The following ZNF599 variants were observed in gnomAD, a reference collection of about 807,000 sequenced individuals.
The protein encoded by ZNF599 is zinc finger protein 599.
Under a neutral mutation model 11.7 loss-of-function variants are expected in ZNF599, and 10 were observed. The ratio of observed to expected loss-of-function variants is 0.86; its 90% CI spans 0.53 to 1.45. The LOEUF is 1.45. Ranked by LOEUF, ZNF599 falls within the 40% of genes most tolerant of loss-of-function variation. ZNF599 has a pLI of 0.00. For synonymous variants in ZNF599, 232 were observed against 253.2 expected (o/e 0.92, Z 0.79); for missense variants, 688 against 713.6 (o/e 0.96, Z 0.41).
the ZNF599 span, among the ~76,000 whole-genome samples, chr19:34,807,331 G>A: frequency 6.6e-6 from 1 of 152,194 alleles, no homozygotes; most frequent in East Asian, 1.9e-4. Flanking sequence ...TGAAGCCACC[G>A]TGATGCGAGC....
chr19:34,778,236 T>G, the ZNF599 span, among the ~76,000 whole-genome samples: 2 of 151,990 alleles, frequency 1.3e-5, no homozygotes, highest in Non-Finnish European at 2.9e-5. Context: ...ATGAAGGGTC[T>G]CAAATCATGG....
the ZNF599 span, among the ~76,000 whole-genome samples, chr19:34,781,932 G>A: frequency 6.6e-6 from 1 of 152,206 alleles, no homozygotes; most frequent in Non-Finnish European, 1.5e-5. Context: ...GCAGCCTGGG[G>A]CCCAGTGTCA....
chr19:34,769,921 C>T (rs7258721), intron 1 of ZNF599, among the ~76,000 whole-genome samples: 123,999 of 152,192 alleles, frequency 0.81, 51,000 homozygotes, highest in African/African-American at 0.9. Flanking sequence ...CTGAGGGCTT[C>T]ACATGCTGTG....
chr19:34,782,652 A>G, the ZNF599 span, among the ~76,000 whole-genome samples: 1 of 152,202 alleles, frequency 6.6e-6, no homozygotes, highest in South Asian at 2.1e-4. Context: ...AGAAGGGCCC[A>G]TGCTCCAGCT....
chr19:34,788,942 T>C, the ZNF599 span, among the ~76,000 whole-genome samples: 2 of 152,212 alleles, frequency 1.3e-5, no homozygotes, highest in Non-Finnish European at 2.9e-5. Flanking sequence ...AGTTATCATT[T>C]TGTAATGAGA....
chr19:34,777,338 TA>T (rs1437514046), upstream of ZNF599, among the ~76,000 whole-genome samples: 8 of 46,228 alleles, frequency 1.7e-4, no homozygotes, highest in East Asian at 3.7e-4. Flanking sequence ...TATTATATAT[TA>T]ATATATTATA....
At chr19:34,767,516 A>G (rs533008299) in intron 2 of ZNF599, 105 bp from the exon 3 acceptor site, 1 of 795,078 alleles carries the variant, frequency 1.3e-6, no homozygotes, top group East Asian at 2.8e-5. Context: ...ATGAAACCCC[A>G]GAAAGGGCCC....
chr19:34,791,557 A>G, the ZNF599 span, among the ~76,000 whole-genome samples: 1 of 152,228 alleles, frequency 6.6e-6, no homozygotes, highest in Non-Finnish European at 1.5e-5. Context: ...AAATCATGCA[A>G]CATCTCACAA....
the ZNF599 span, among the ~76,000 whole-genome samples, chr19:34,782,110 G>T: frequency 1.3e-5 from 2 of 152,150 alleles, no homozygotes; most frequent in African/African-American, 4.8e-5. Flanking sequence ...CAAGGCCAAG[G>T]CCCCTCTAAC....
At chr19:34,796,067 C>T in the ZNF599 span, among the ~76,000 whole-genome samples, 5 of 151,986 alleles carry the variant, frequency 3.3e-5, no homozygotes, top group East Asian at 3.9e-4. Flanking sequence ...GTGATCCGCC[C>T]GCCTCAGCCT....
the ZNF599 span, among the ~76,000 whole-genome samples, chr19:34,795,420 G>T: frequency 4.7e-4 from 71 of 152,096 alleles, no homozygotes; most frequent in Non-Finnish European, 9.3e-4. Context: ...GACCACAGGC[G>T]CACACTACCC....
intron 1 of ZNF599, among the ~76,000 whole-genome samples, 165 bp from the exon 2 acceptor site, chr19:34,769,720 G>C (rs2069169936): frequency 6.6e-6 from 1 of 152,232 alleles, no homozygotes; most frequent in African/African-American, 2.4e-5. Context: ...AGAATACAAA[G>C]ATGTGGGACA....
chr19:34,790,001 T>G, the ZNF599 span, among the ~76,000 whole-genome samples: 25 of 152,206 alleles, frequency 1.6e-4, no homozygotes, highest in African/African-American at 6.0e-4. Context: ...ATTTAAGTCT[T>G]TAGTTCATTT....
At chr19:34,777,977 A>C (rs1029218570), upstream of ZNF599, among the ~76,000 whole-genome samples, 4 of 152,110 alleles carry the variant, frequency 2.6e-5, no homozygotes, top group African/African-American at 9.7e-5. Context: ...CGTTCTTACT[A>C]CAGTAAAAGG....
At position 34,772,942 on chromosome 19, in the gene ZNF599, G is replaced by GAA. The variant is rs2069194546; in HGVS notation, c.-102_-101insTT. 3.1e-6 allele frequency: 4 copies of GAA among 1,309,000 alleles called. No individual in the cohort carries two copies. The highest frequency in any genetic ancestry group is 4.0e-6 in the Non-Finnish European group (4 of 1,006,930). The allele number at this position is 1,309,000 out of a possible 1,614,324, so 81.1% of individuals were successfully genotyped here. On this transcript the variant is annotated 5_prime_UTR_variant, in exon 1 of 4. It removes the in-frame stop codon of an upstream open reading frame in the 5' UTR. Coordinates refer to ENST00000329285, the MANE Select transcript of ZNF599 (RefSeq NM_001007248.3). Reference sequence around the variant, plus strand: ...CGGCTCTGGGCTGCGAGGGACCTCAGTCCCCGCCGTCGTGTAAAATGCACA... The same window carrying GAA: ...CGGCTCTGGGCTGCGAGGGACCTCAGAATCCCCGCCGTCGTGTAAAATGCACA...
chr19:34,773,206 C>T lies in ZNF599; in HGVS notation c.-365G>A, dbSNP rs1600161074. On this transcript the variant is annotated 5_prime_UTR_variant, in exon 1 of 4. Coordinates refer to ENST00000329285, the MANE Select transcript of ZNF599 (RefSeq NM_001007248.3). Reference sequence around the variant, plus strand: ...GCCGCAACCTAACGGCGGACGAAGACTGGACGCCGGAAGTCCCGCCCACGC... The same window carrying T: ...GCCGCAACCTAACGGCGGACGAAGATTGGACGCCGGAAGTCCCGCCCACGC... 3.6e-6 allele frequency: 1 copy of T among 274,284 alleles called. No homozygotes were observed. 17.0% of individuals were successfully genotyped at this position (274,284 alleles called of 1,614,324 possible).
Position 34,759,865 on chromosome 19 carries a change from T to C in ZNF599, c.936A>G (p.Leu312=), listed in dbSNP as rs148517871. 210 of 1,614,004 alleles carry C rather than the reference T, an allele frequency of 1.3e-4. No homozygotes were observed. Among genetic ancestry groups the C allele is most frequent in the Non-Finnish European group, 1.7e-4 (201 of 1,180,026 alleles). The stretch of plus-strand genomic sequence containing the variant: ...AAAAAGCTTTCCCACATTCTTTGCA[T>C]AAAAAGGGTTTTTCTCGAGTGTGAG... ...NMTHTREKPF[L]CKECGKAFYY... Residue 312 remains leucine (L), a synonymous_variant, in exon 4 of 4, where the codon TTA becomes TTG. Coordinates refer to ENST00000329285, the MANE Select transcript of ZNF599 (RefSeq NM_001007248.3).
rs1439654672 is a variant in ZNF599 at position 34,769,560 on chromosome 19, G to C, written c.19-5C>G. On this transcript the variant is annotated splice_region_variant and splice_polypyrimidine_tract_variant and intron_variant, in intron 1 of 3. Transcript: ENST00000329285. ...GTCTTCAAATGATACTAATGCCTGG[G>C]AAGTCAAACAGAGGTGACAGGTGGC... is the stretch of plus-strand genomic sequence containing the variant. The C allele has an allele frequency of 6.2e-7, 1 of 1,612,216 alleles. No individual in the cohort carries two copies. Among genetic ancestry groups the C allele is most frequent in the East Asian group, 2.2e-5 (1 of 44,842 alleles).
chr19:34,800,593 T>TTTG, the ZNF599 span, among the ~76,000 whole-genome samples: 5 of 146,530 alleles, frequency 3.4e-5, no homozygotes, highest in African/African-American at 5.1e-5. Flanking sequence ...TTTGTTTTTT[T>TTTG]TTTTTTTTTT....
Sources: gnomAD v4.1 joint callset for allele counts (sites outside exome capture counted in the v4.1 genomes callset) on GRCh38, gnomAD v4.1.1 for gene constraint, MANE v1.5 for transcripts, NCBI Gene and HGNC (gene_info 2026-07-23, HGNC 2026-07-21) for gene names.